SEMA3C: variants seen among roughly 807,000 people sequenced by gnomAD.
SEMA3C encodes the protein semaphorin-3C.
A neutral mutation model predicts 89.4 loss-of-function variants in SEMA3C; 47 were observed. That is an observed-to-expected ratio of 0.53 (90% CI 0.42 to 0.67). SEMA3C has a LOEUF of 0.67. SEMA3C is among the 30% of genes least tolerant of loss of function. SEMA3C has a pLI of 0.00. For missense variants in SEMA3C, 839 were observed against 929.1 expected (o/e 0.90, Z 1.26); for synonymous variants, 310 against 320.2 (o/e 0.97, Z 0.34).
At chr7:80,863,038 T>C (rs1470556274) in intron 2 of SEMA3C, among the ~76,000 whole-genome samples, 2 of 152,192 alleles carry the variant, frequency 1.3e-5, no homozygotes, top group East Asian at 1.9e-4. Context: ...AAGAATTTCA[T>C]GACCCAGAAC....
chr7:80,853,928 G>T (rs946489232), intron 2 of SEMA3C, among the ~76,000 whole-genome samples: 1 of 151,054 alleles, frequency 6.6e-6, no homozygotes, highest in African/African-American at 2.4e-5. Flanking sequence ...ATACACACCT[G>T]CTATGTACCC....
intron 12 of SEMA3C, among the ~76,000 whole-genome samples, chr7:80,768,932 T>C (rs1208796473): frequency 6.6e-6 from 1 of 152,208 alleles, no homozygotes; most frequent in African/African-American, 2.4e-5. Context: ...ATGAGCATGT[T>C]ATCATAGAAA....
At chr7:80,812,448 A>C (rs1789490165) in intron 5 of SEMA3C, among the ~76,000 whole-genome samples, 1 of 152,198 alleles carries the variant, frequency 6.6e-6, no homozygotes, top group African/African-American at 2.4e-5. Context: ...CTAAATCAAT[A>C]ATCATAAACC....
At chr7:80,890,085 G>A (rs1400692501) in intron 2 of SEMA3C, among the ~76,000 whole-genome samples, 2 of 152,132 alleles carry the variant, frequency 1.3e-5, no homozygotes, top group Admixed American at 1.3e-4. Flanking sequence ...TGATGTTGTG[G>A]CTAAAAGGTC....
chr7:80,874,627 T>C (rs1791155715), intron 2 of SEMA3C, among the ~76,000 whole-genome samples: 1 of 151,774 alleles, frequency 6.6e-6, no homozygotes, highest in Non-Finnish European at 1.5e-5. Flanking sequence ...CCACCACACC[T>C]GGTTAATTTT....
chr7:80,881,164 A>AACACACACACACACACACAC (rs71802410), intron 2 of SEMA3C, among the ~76,000 whole-genome samples: 1 of 135,434 alleles, frequency 7.4e-6, no homozygotes, highest in African/African-American at 2.7e-5. Context: ...TGGAGAAAGA[A>AACACACACACACACACACAC]ACACACACAC....
At position 80,804,132 on chromosome 7, in the gene SEMA3C, G is replaced by A. The variant is rs969477427; in HGVS notation, c.775C>T (p.His259Tyr). Residue 259 changes from histidine to tyrosine, a missense_variant, in exon 8 of 18, where the codon CAT becomes TAT. His to Tyr is a moderately conservative substitution (Grantham distance 83, BLOSUM62 2). Transcript: ENST00000265361. The part of the protein sequence containing the change: ...TDNNRSTKQI[H>Y]SMIARICPND... ...GGACATATTCGAGCAATCATGGAAT[G>A]AATCTGTTTCGTGCTCCTGTTATTG... 2 of 1,611,990 alleles carry A rather than the reference G, an allele frequency of 1.2e-6. No homozygotes were observed. The highest frequency in any genetic ancestry group is 1.7e-6 in the Non-Finnish European group (2 of 1,178,890).
intron 11 of SEMA3C, chr7:80,796,477 A>C (rs1019511520): frequency 1.3e-5 from 2 of 152,186 alleles, no homozygotes; most frequent in African/African-American, 4.8e-5. Flanking sequence ...TCCCGGGTTC[A>C]CGCCATTCTC....
At chr7:80,915,510 G>C (rs1331915426) in intron 2 of SEMA3C, among the ~76,000 whole-genome samples, 1 of 152,072 alleles carries the variant, frequency 6.6e-6, no homozygotes, top group Non-Finnish European at 1.5e-5. Flanking sequence ...TCGGGAGGCG[G>C]AGGCGGGCAG....
intron 2 of SEMA3C, among the ~76,000 whole-genome samples, chr7:80,842,501 C>A (rs1790292988): frequency 6.6e-6 from 1 of 152,136 alleles, no homozygotes; most frequent in Non-Finnish European, 1.5e-5. Context: ...TTAGCCATGA[C>A]TTTCTTTTTA....
intron 2 of SEMA3C, among the ~76,000 whole-genome samples, chr7:80,912,976 G>A (rs2116246133): frequency 6.6e-6 from 1 of 152,178 alleles, no homozygotes; most frequent in East Asian, 1.9e-4. Flanking sequence ...ATTTGTTGAG[G>A]GTGATTTTAA....
chr7:80,864,637 C>T lies in SEMA3C; in HGVS notation c.104-35892G>A, dbSNP rs147818044. Among the ~76,000 whole-genome samples the T allele has an allele frequency of 4.6e-3, 702 of 152,190 alleles. 6 individuals are homozygous for T. Among genetic ancestry groups the T allele is most frequent in the African/African-American group, 0.015 (639 of 41,536 alleles). On this transcript the variant is annotated intron_variant, in intron 2 of 17. Coordinates refer to ENST00000265361, the MANE Select transcript of SEMA3C (RefSeq NM_006379.5). ...GAAAGGTGTTGTAAGGAGGCTCTTACAAGAGCTTCCAAAATATGACAATTA... is the reference window on the plus strand; with the variant it reads ...GAAAGGTGTTGTAAGGAGGCTCTTATAAGAGCTTCCAAAATATGACAATTA...
chr7:80,778,487 A>G (rs970013861), intron 12 of SEMA3C, among the ~76,000 whole-genome samples: 26 of 152,270 alleles, frequency 1.7e-4, no homozygotes, highest in African/African-American at 6.3e-4. Context: ...TTCTTGCACC[A>G]TTTTTTATCA....
intron 12 of SEMA3C, among the ~76,000 whole-genome samples, chr7:80,778,285 T>G (rs1347822495): frequency 6.6e-6 from 1 of 152,224 alleles, no homozygotes; most frequent in Non-Finnish European, 1.5e-5. Context: ...TATATTTTAA[T>G]TTCAGATAAA....
intron 2 of SEMA3C, among the ~76,000 whole-genome samples, chr7:80,911,837 G>C (rs956393027): frequency 2.0e-5 from 3 of 152,012 alleles, no homozygotes; most frequent in Non-Finnish European, 4.4e-5. Flanking sequence ...GTATCACCAC[G>C]ATAGCCAGCA....
chr7:80,885,818 G>A lies in SEMA3C; in HGVS notation c.103+30861C>T, dbSNP rs577863331. Among the ~76,000 whole-genome samples the A allele has an allele frequency of 7.2e-5, 11 of 152,170 alleles. No individual in the cohort carries two copies. The South Asian group carries it at 1.2e-3, about 17-fold the overall frequency. ...ACCTATAAACTATGTACATTCCACCGCTCCAAAAATACTGCATGTACATAT... is the reference window on the plus strand; with the variant it reads ...ACCTATAAACTATGTACATTCCACCACTCCAAAAATACTGCATGTACATAT... On this transcript the variant is annotated intron_variant, in intron 2 of 17. Coordinates refer to ENST00000265361, the MANE Select transcript of SEMA3C (RefSeq NM_006379.5).
At chr7:80,751,730 A>G (rs1472405587) in intron 15 of SEMA3C, among the ~76,000 whole-genome samples, 1 of 152,200 alleles carries the variant, frequency 6.6e-6, no homozygotes, top group Admixed American at 6.5e-5. Context: ...TCCTTTTTAT[A>G]ATAGCTTGTC....
In SEMA3C at chr7:80,880,725, G is replaced by T. The variant is rs545020490; in HGVS notation, c.103+35954C>A. Among the ~76,000 whole-genome samples, 128 of 152,232 alleles carry T rather than the reference G, an allele frequency of 8.4e-4. 1 individual carries two copies. Among genetic ancestry groups the T allele is most frequent in the African/African-American group, 2.8e-3 (117 of 41,520 alleles). On this transcript the variant is annotated intron_variant, in intron 2 of 17. Transcript: ENST00000265361. ...AGACCACTTGAGTTCAAGAGTTCCA[G>T]ATCAGCCTGGCCACCATGGTGAAAC... is the stretch of plus-strand genomic sequence containing the variant.
upstream of SEMA3C, chr7:80,919,126 C>G: frequency 1.0e-6 from 1 of 984,770 alleles, no homozygotes. Context: ...GCGGCTCCGG[C>G]TGCCCCGGCG....
Sources: gnomAD v4.1 joint callset for allele counts (sites outside exome capture counted in the v4.1 genomes callset) on GRCh38, gnomAD v4.1.1 for gene constraint, MANE v1.5 for transcripts, NCBI Gene and HGNC (gene_info 2026-07-23, HGNC 2026-07-21) for gene names.